CAST: variants seen among roughly 807,000 people sequenced by gnomAD.
CAST encodes calpastatin, also known as MIR583 host.
A neutral mutation model predicts 119.6 loss-of-function variants in CAST; 76 were observed. The ratio of observed to expected loss-of-function variants is 0.64; its 90% CI spans 0.53 to 0.77. CAST has a LOEUF of 0.77. Among genes scored for constraint, CAST ranks in the 30% least tolerant of loss-of-function variants. The pLI is 0.00. For synonymous variants in CAST, 319 were observed against 331.6 expected, an observed-to-expected ratio of 0.96 and a Z score of 0.41; for missense variants, 953 against 946.5, an observed-to-expected ratio of 1.01 and a Z score of -0.09.
At chr5:96,061,223 A>G in the CAST span, among the ~76,000 whole-genome samples, 1 of 152,106 alleles carries the variant, frequency 6.6e-6, no homozygotes, top group Non-Finnish European at 1.5e-5. Flanking sequence ...CTTCTGTAGC[A>G]GAGAATTATA....
the CAST span, among the ~76,000 whole-genome samples, chr5:95,971,201 T>G: frequency 6.6e-6 from 1 of 152,216 alleles, no homozygotes; most frequent in Non-Finnish European, 1.5e-5. Context: ...TAAGTATATT[T>G]GCCTCATTTT....
At chr5:96,659,567 C>T (rs1053515630), upstream of CAST, among the ~76,000 whole-genome samples, 10 of 152,112 alleles carry the variant, frequency 6.6e-5, no homozygotes, top group South Asian at 4.1e-4. Flanking sequence ...CTCACTCTGT[C>T]GCCCAGGCTG....
chr5:96,449,741 A>C, the CAST span, among the ~76,000 whole-genome samples: 2 of 145,588 alleles, frequency 1.4e-5, no homozygotes, highest in African/African-American at 5.3e-5. Context: ...CATCAATGCC[A>C]TCTTCCTGGG....
At chr5:96,616,723 T>C (rs1554070952) in intron 1 of CAST, among the ~76,000 whole-genome samples, 1 of 136,240 alleles carries the variant, frequency 7.3e-6, no homozygotes, top group Non-Finnish European at 1.5e-5. Context: ...CACCAAGCGC[T>C]CGCTCGCTCT....
At chr5:96,633,545 T>TA (rs1194887572) in intron 1 of CAST, among the ~76,000 whole-genome samples, 1 of 152,232 alleles carries the variant, frequency 6.6e-6, no homozygotes, top group Non-Finnish European at 1.5e-5. Flanking sequence ...CCCTGACCTT[T>TA]AGTTCCCCTA....
the CAST span, chr5:96,410,819 T>A: frequency 6.2e-7 from 1 of 1,614,110 alleles, no homozygotes; most frequent in Non-Finnish European, 8.5e-7. Flanking sequence ...AGGTGGCCAG[T>A]GTGGAGGAGC....
intron 1 of CAST, among the ~76,000 whole-genome samples, chr5:96,560,337 A>G (rs1746331286): frequency 6.6e-6 from 1 of 152,094 alleles, no homozygotes; most frequent in Admixed American, 6.5e-5. Flanking sequence ...AATGGCAACA[A>G]AAGCCAAAAT....
chr5:96,132,957 G>A, the CAST span, among the ~76,000 whole-genome samples: 1 of 152,114 alleles, frequency 6.6e-6, no homozygotes, highest in Non-Finnish European at 1.5e-5. Flanking sequence ...GCCAGATAAG[G>A]ATATCAGTGT....
chr5:96,113,444 C>T, the CAST span, among the ~76,000 whole-genome samples: 1 of 152,328 alleles, frequency 6.6e-6, no homozygotes, highest in South Asian at 2.1e-4. Flanking sequence ...GGTTAGTAGA[C>T]ACACATTAGG....
chr5:96,109,717 T>C, the CAST span, among the ~76,000 whole-genome samples: 1 of 152,098 alleles, frequency 6.6e-6, no homozygotes, highest in Admixed American at 6.6e-5. Flanking sequence ...GTCTGGTGGG[T>C]GGAGGATTTA....
chr5:96,651,013 T>A (rs1051048794), intron 1 of CAST, among the ~76,000 whole-genome samples: 1 of 152,160 alleles, frequency 6.6e-6, no homozygotes, highest in African/African-American at 2.4e-5. Context: ...GAATTGAAGT[T>A]GGATAATAGT....
chr5:96,637,688 C>A (rs534467084), intron 1 of CAST, among the ~76,000 whole-genome samples: 8 of 152,206 alleles, frequency 5.3e-5, no homozygotes, highest in African/African-American at 1.7e-4. Flanking sequence ...TCCATAAAAG[C>A]TAAATAGCTT....
chr5:96,579,067 G>C (rs1561421634), intron 1 of CAST, among the ~76,000 whole-genome samples: 1 of 152,200 alleles, frequency 6.6e-6, no homozygotes, highest in East Asian at 1.9e-4. Flanking sequence ...GAAGAACTCA[G>C]GTCTCAGGGA....
the CAST span, among the ~76,000 whole-genome samples, chr5:96,341,069 T>C: frequency 1.3e-5 from 2 of 152,162 alleles, no homozygotes; most frequent in African/African-American, 2.4e-5. Context: ...CTAATAAAAC[T>C]AGATTTTCTT....
chr5:96,367,206 C>T, the CAST span, among the ~76,000 whole-genome samples: 10 of 152,138 alleles, frequency 6.6e-5, no homozygotes, highest in Admixed American at 3.9e-4. Context: ...GAGGGGTACC[C>T]GGCCATGTGA....
chr5:96,259,110 T>A, the CAST span, among the ~76,000 whole-genome samples: 1 of 152,210 alleles, frequency 6.6e-6, no homozygotes. Context: ...CCAATTTTTT[T>A]AGCATCTATC....
chr5:96,679,664 G>A (rs1235785617), intron 2 of CAST: 1 of 152,082 alleles, frequency 6.6e-6, no homozygotes, highest in Non-Finnish European at 1.5e-5. Flanking sequence ...AAAAGCGAAC[G>A]GAAATTCTGC....
chr5:96,352,531 G>C, the CAST span, among the ~76,000 whole-genome samples: 3,685 of 152,196 alleles, frequency 0.024, 159 homozygotes, highest in African/African-American at 0.083. Context: ...TAGGAGATCT[G>C]GTTTTAGCTT....
At chr5:96,201,165 T>A in the CAST span, among the ~76,000 whole-genome samples, 1 of 152,080 alleles carries the variant, frequency 6.6e-6, no homozygotes, top group African/African-American at 2.4e-5. Flanking sequence ...AAAATAAAAA[T>A]AATTTTAAAA....
Sources: gnomAD v4.1 joint callset for allele counts (sites outside exome capture counted in the v4.1 genomes callset) on GRCh38, gnomAD v4.1.1 for gene constraint, MANE v1.5 for transcripts, NCBI Gene and HGNC (gene_info 2026-07-23, HGNC 2026-07-21) for gene names.